TRPC4: variants seen among roughly 807,000 people sequenced by gnomAD.
TRPC4 encodes the protein transient receptor potential cation channel subfamily C member 4.
In TRPC4, 49 loss-of-function variants were observed where a neutral mutation model predicts 99.4. The observed-to-expected ratio is 0.49, with a 90% CI of 0.39 to 0.63. The LOEUF is 0.63. Ranked by LOEUF, TRPC4 falls within the 20% of genes least tolerant of loss-of-function variation. TRPC4 has a pLI of 0.00. For missense variants in TRPC4, 898 were observed against 1,152.9 expected, an observed-to-expected ratio of 0.78 and a Z score of 3.20; for synonymous variants, 454 against 425.9, an observed-to-expected ratio of 1.07 and a Z score of -0.81.
At chr13:37,803,636 C>A (rs1957461159) in intron 1 of TRPC4, among the ~76,000 whole-genome samples, 1 of 151,984 alleles carries the variant, frequency 6.6e-6, no homozygotes, top group Admixed American at 6.6e-5. Context: ...ATGGCCACTG[C>A]TTTTATTAAA....
intron 1 of TRPC4, among the ~76,000 whole-genome samples, chr13:37,810,285 C>T (rs659626): frequency 0.33 from 50,120 of 151,826 alleles, 8,584 homozygotes; most frequent in East Asian, 0.53. Flanking sequence ...TCCCATTACA[C>T]AGCCAAAATT....
At chr13:37,730,713 A>T (rs536599548) in intron 3 of TRPC4, among the ~76,000 whole-genome samples, 7 of 152,062 alleles carry the variant, frequency 4.6e-5, no homozygotes, top group Non-Finnish European at 1.0e-4. Context: ...ACGCCACAGT[A>T]TTCAGGCATT....
chr13:37,818,481 A>T (rs534297689), intron 1 of TRPC4, among the ~76,000 whole-genome samples: 3 of 152,204 alleles, frequency 2.0e-5, no homozygotes, highest in Non-Finnish European at 4.4e-5. Flanking sequence ...AAATCATACT[A>T]CTATAAAGAT....
At position 37,652,203 on chromosome 13, in the gene TRPC4, C is replaced by A. The variant is rs1037327510; in HGVS notation, c.1885-744G>T. ...GACAGCCAGTCTCTTCTTAATTTAG[C>A]CATAAATCTGATTTAAGCAGAAAAT... On this transcript the variant is annotated intron_variant, in intron 7 of 10. Transcript: ENST00000379705. Among the ~76,000 whole-genome samples, 4 of 152,168 alleles carry A rather than the reference C, an allele frequency of 2.6e-5. No individual in the cohort carries two copies. In the East Asian group the frequency reaches 7.7e-4, roughly 29 times the overall value.
chr13:37,639,052 T>G lies in TRPC4; in HGVS notation c.2199A>C (p.Glu733Asp). 6.2e-7 allele frequency: 1 copy of G among 1,613,568 alleles called. No individual in the cohort carries two copies. Among genetic ancestry groups the G allele is most frequent in the South Asian group, 1.1e-5 (1 of 91,068 alleles). ...RDAKTEEGLT[E>D]ENFKELKQDI... The stretch of plus-strand genomic sequence containing the variant: ...TGAAAATGGTTACCTTAAAGTTCTC[T>G]TCGGTCAGGCCTTCTTCAGTTTTAG... Residue 733 changes from glutamate to aspartate, a missense_variant, in exon 10 of 11, where the codon GAA (glutamate) becomes GAC (aspartate). Glu to Asp is a conservative substitution (Grantham distance 45). Transcript: ENST00000379705.
At chr13:37,692,400 A>G (rs1953746900) in intron 3 of TRPC4, 65 bp from the exon 4 acceptor site, 5 of 1,342,668 alleles carry the variant, frequency 3.7e-6, no homozygotes, top group East Asian at 4.8e-5. Context: ...TCAATTCATC[A>G]ATAAGAACAC....
chr13:37,700,884 C>G (rs998795708), intron 3 of TRPC4, among the ~76,000 whole-genome samples: 1 of 152,152 alleles, frequency 6.6e-6, no homozygotes, highest in African/African-American at 2.4e-5. Context: ...TTTTCTGTCT[C>G]CCTGACAAAA....
At chr13:37,642,322 A>C (rs1408671552) in intron 8 of TRPC4, among the ~76,000 whole-genome samples, 1 of 152,206 alleles carries the variant, frequency 6.6e-6, no homozygotes, top group South Asian at 2.1e-4. Context: ...TCTGAGGAAA[A>C]TTCAGAGGTC....
intron 3 of TRPC4, among the ~76,000 whole-genome samples, chr13:37,699,229 A>C (rs1954021073): frequency 6.6e-6 from 1 of 152,206 alleles, no homozygotes; most frequent in Admixed American, 6.5e-5. Context: ...CCTAGGTCAT[A>C]GTATATGTTC....
At chr13:37,699,189 A>T (rs1954019895) in intron 3 of TRPC4, among the ~76,000 whole-genome samples, 1 of 152,134 alleles carries the variant, frequency 6.6e-6, no homozygotes, top group African/African-American at 2.4e-5. Context: ...TTGAAAAATT[A>T]GATGAATTAA....
chr13:37,706,466 G>A (rs934870416), intron 3 of TRPC4, among the ~76,000 whole-genome samples: 1 of 152,116 alleles, frequency 6.6e-6, no homozygotes, highest in Non-Finnish European at 1.5e-5. Context: ...AGAAGTCAGT[G>A]CTTAGAAGCT....
At chr13:37,715,941 C>G (rs191144445) in intron 3 of TRPC4, among the ~76,000 whole-genome samples, 1 of 152,122 alleles carries the variant, frequency 6.6e-6, no homozygotes, top group Non-Finnish European at 1.5e-5. Flanking sequence ...TCAGAGGAAC[C>G]GTGGGAATGT....
chr13:37,692,059 A>T lies in TRPC4; in HGVS notation c.1174T>A (p.Leu392Met). 1.2e-6 allele frequency: 2 copies of T among 1,613,768 alleles called. No individual in the cohort carries two copies. The highest frequency in any genetic ancestry group is 1.7e-6 in the Non-Finnish European group (2 of 1,179,810). Residue 392 changes from leucine to methionine, a missense_variant, in exon 4 of 11, where the codon TTG becomes ATG. This residue lies in a region of TRPC4 where 274 missense variants were observed against 454.9 expected (regional missense o/e 0.60). Transcript: ENST00000379705. ...GTTGGTGGTGGACCTTGCCTGTTCAAGTCTGACCTGTCGATGTGCTGAGAG... is the reference window on the plus strand; with the variant it reads ...GTTGGTGGTGGACCTTGCCTGTTCATGTCTGACCTGTCGATGTGCTGAGAG... The part of the protein sequence containing the change: ...LASQHIDRSD[L>M]NRQGPPPTIV...
chr13:37,735,449 A>T (rs1955367014), intron 3 of TRPC4, among the ~76,000 whole-genome samples: 1 of 152,220 alleles, frequency 6.6e-6, no homozygotes, highest in Non-Finnish European at 1.5e-5. Context: ...AGAAAATATC[A>T]GTCACTAAAT....
chr13:37,636,830 T>G lies in TRPC4; in HGVS notation c.*73A>C. On this transcript the variant is annotated 3_prime_UTR_variant, in exon 11 of 11. Coordinates refer to ENST00000379705, the MANE Select transcript of TRPC4 (RefSeq NM_016179.4). Reference sequence around the variant, plus strand: ...GTAAGTTAGCATTTGCTAATACAATTTAAACATTTTCCCCCACCCAGAGCA... The same window carrying G: ...GTAAGTTAGCATTTGCTAATACAATGTAAACATTTTCCCCCACCCAGAGCA... The G allele has an allele frequency of 4.6e-6, 7 of 1,519,712 alleles. No homozygotes were observed. Among genetic ancestry groups the G allele is most frequent in the Non-Finnish European group, 6.2e-6 (7 of 1,135,968 alleles). 94.1% of individuals were successfully genotyped at this position (1,519,712 alleles called of 1,614,324 possible).
chr13:37,860,017 A>C (rs564085287), intron 1 of TRPC4, among the ~76,000 whole-genome samples: 1 of 151,390 alleles, frequency 6.6e-6, no homozygotes, highest in African/African-American at 2.4e-5. Context: ...AGAAGACAAA[A>C]ATAGCTCATC....
intron 1 of TRPC4, among the ~76,000 whole-genome samples, chr13:37,795,559 A>G (rs910297047): frequency 8.5e-5 from 13 of 152,294 alleles, no homozygotes; most frequent in African/African-American, 2.9e-4. Flanking sequence ...GTATTTAACT[A>G]TAAGCAGATA....
At position 37,769,072 on chromosome 13, in the gene TRPC4, C is replaced by A. The variant is rs182787619; in HGVS notation, c.378+13884G>T. Among the ~76,000 whole-genome samples the A allele has an allele frequency of 1.7e-4, 25 of 151,434 alleles. No individual in the cohort carries two copies. In the East Asian group the frequency reaches 3.3e-3, roughly 20 times the overall value. On this transcript the variant is annotated intron_variant, in intron 2 of 10. Coordinates refer to ENST00000379705, the MANE Select transcript of TRPC4 (RefSeq NM_016179.4). Reference sequence around the variant, plus strand: ...CAGTTAATAAAATGGTGCAAAAATTCATGGAAACTTGTAATTTTATTGATA... The same window carrying A: ...CAGTTAATAAAATGGTGCAAAAATTAATGGAAACTTGTAATTTTATTGATA...
In TRPC4 at chr13:37,692,029, C is replaced by A. The variant is rs755900356; in HGVS notation, c.1204G>T (p.Val402Phe). 6.2e-7 allele frequency: 1 copy of A among 1,613,876 alleles called. No individual in the cohort carries two copies. The highest frequency in any genetic ancestry group is 8.5e-7 in the Non-Finnish European group (1 of 1,179,844). The change falls in exon 4 of 11, where the codon GTC becomes TTC. Residue 402 changes from valine (V) to phenylalanine (F), a missense_variant. By Grantham distance (50) the Val-to-Phe change is conservative. Around this residue, in one of 3 missense-constraint regions of TRPC4, gnomAD observed 274 missense variants for 454.9 expected, o/e 0.60. Coordinates refer to ENST00000379705, the MANE Select transcript of TRPC4 (RefSeq NM_016179.4). ...LNRQGPPPTI[V>F]EWMILPWVLG... ...ACCCACGGTAATATCATCCACTCGA[C>A]GATGGTTGGTGGTGGACCTTGCCTG...
Sources: gnomAD v4.1 joint callset for allele counts (sites outside exome capture counted in the v4.1 genomes callset) on GRCh38, gnomAD v4.1.1 for gene constraint, gnomAD v4.1.1 regional missense constraint, MANE v1.5 for transcripts, NCBI Gene and HGNC (gene_info 2026-07-23, HGNC 2026-07-21) for gene names.